Variants in CD72 observed in about 807,000 individuals in gnomAD.
The protein encoded by CD72 is CD72 molecule.
Under a neutral mutation model 50.7 loss-of-function variants are expected in CD72, and 28 were observed. The observed-to-expected ratio is 0.55, with a 90% CI of 0.41 to 0.76. The LOEUF is 0.76. Among genes scored for constraint, CD72 ranks in the 30% least tolerant of loss-of-function variants. The pLI is 0.00. For missense variants in CD72, 403 were observed against 420.6 expected (o/e 0.96, Z 0.37); for synonymous variants, 176 against 171.2 (o/e 1.03, Z -0.22).
At chr9:35,624,260 AAT>A (rs1563897833), upstream of CD72, among the ~76,000 whole-genome samples, 6 of 137,642 alleles carry the variant, frequency 4.4e-5, no homozygotes, top group East Asian at 2.0e-4. Context: ...TAATAATAAT[AAT>A]AAATTTAATT....
chr9:35,611,915 G>C lies in CD72; in HGVS notation c.839C>G (p.Ser280Cys). 6.7e-7 allele frequency: 1 copy of C among 1,499,642 alleles called. No homozygotes were observed. Among genetic ancestry groups the C allele is most frequent in the Non-Finnish European group, 9.3e-7 (1 of 1,075,536 alleles). The allele number at this position is 1,499,642 out of a possible 1,614,324, so 92.9% of individuals were successfully genotyped here. A position where few individuals can be genotyped will look rare whatever the true frequency, so the allele number is the denominator to read the frequency against. Reference sequence around the variant, plus strand: ...CAACAGTGAATTTAAGAAGTAGTAAGAGTGCTGAGGGGAGATTCAGAGAGA... The same window carrying C: ...CAACAGTGAATTTAAGAAGTAGTAACAGTGCTGAGGGGAGATTCAGAGAGA... ...TFSEIYPQSH[S>C]YYFLNSLLPN... The change falls in exon 7 of 9, where the codon TCT becomes TGT. Residue 280 changes from serine (S) to cysteine (C), a missense_variant. By Grantham distance (112) the Ser-to-Cys change is moderately radical (BLOSUM62 -1). Coordinates refer to ENST00000259633, the MANE Select transcript of CD72 (RefSeq NM_001782.3).
At chr9:35,621,329 C>CATG (rs1823145233), upstream of CD72, among the ~76,000 whole-genome samples, 1 of 152,178 alleles carries the variant, frequency 6.6e-6, no homozygotes, top group African/African-American at 2.4e-5. Context: ...GGGGCCCAAC[C>CATG]ATGAGGGCAT....
In CD72 at chr9:35,611,854, GC is replaced by G. The variant is rs772362596; in HGVS notation, c.899del (p.Gly300AlafsTer10). On this transcript the variant is annotated frameshift_variant, in exon 7 of 9. Transcript: ENST00000259633. LOFTEE classifies it high-confidence loss of function. ...NGGSGNSYWTGLSSNKDWKLT... is the reference protein window; with the variant it reads ...NGGSGNSYWTXLSSNKDWKLT... Reference sequence around the variant, plus strand: ...ACTTCCAATCCTTGTTAGAGCTGAGGCCAGTCCAATATGAATTCCCTGAACC... The same window carrying G: ...ACTTCCAATCCTTGTTAGAGCTGAGGCAGTCCAATATGAATTCCCTGAACC... The G allele has an allele frequency of 1.2e-6, 2 of 1,613,112 alleles. No individual in the cohort carries two copies. The highest frequency in any genetic ancestry group is 1.7e-6 in the Non-Finnish European group (2 of 1,179,208).
intron 1 of CD72, among the ~76,000 whole-genome samples, chr9:35,635,209 CT>C (rs1823279205): frequency 6.6e-6 from 1 of 152,030 alleles, no homozygotes; most frequent in African/African-American, 2.4e-5. Context: ...GAGTGTGTGT[CT>C]TTTCGTTTCA....
At chr9:35,643,346 GC>G in intron 1 of CD72, 1 of 152,470 alleles carries the variant, frequency 6.6e-6, no homozygotes, top group Non-Finnish European at 1.5e-5. Flanking sequence ...CGCCTTGGAA[GC>G]CCCCTGGACC....
intron 2 of CD72, 56 bp from the exon 3 acceptor site, chr9:35,617,303 C>T (rs1260220927): frequency 1.3e-6 from 2 of 1,494,488 alleles, no homozygotes; most frequent in Non-Finnish European, 1.8e-6. Context: ...GCCCCTTCTC[C>T]TCCTGCGCAC....
Position 35,617,994 on chromosome 9 carries a change from A to AT in CD72, c.190+19dup. On this transcript the variant is annotated intron_variant, in intron 2 of 8. Coordinates refer to ENST00000259633, the MANE Select transcript of CD72 (RefSeq NM_001782.3). ...AGACACAGCCCCCCAACAAACACAC[A>AT]TCCCCCAGGCTCTCCAGACCTGCTT... 1 of 1,438,880 alleles carries AT rather than the reference A, an allele frequency of 6.9e-7. No individual in the cohort carries two copies. The highest frequency in any genetic ancestry group is 9.8e-7 in the Non-Finnish European group (1 of 1,020,372). 89.1% of individuals were successfully genotyped at this position (1,438,880 alleles called of 1,614,324 possible).
chr9:35,631,287 C>A (rs577275019), intron 1 of CD72, among the ~76,000 whole-genome samples: 2 of 152,080 alleles, frequency 1.3e-5, no homozygotes, highest in Non-Finnish European at 2.9e-5. Context: ...ATTATAATTT[C>A]TTTTCAGATG....
chr9:35,630,112 C>T (rs1823232325), intron 1 of CD72, among the ~76,000 whole-genome samples: 1 of 149,404 alleles, frequency 6.7e-6, no homozygotes. Context: ...CGTCTCAGCT[C>T]ACTGCAACCT....
intron 1 of CD72, among the ~76,000 whole-genome samples, chr9:35,637,437 G>A (rs571003774): frequency 5.7e-4 from 87 of 152,188 alleles, no homozygotes; most frequent in African/African-American, 2.0e-3. Context: ...TACAACCTCG[G>A]GTCCTCAGAC....
upstream of CD72, chr9:35,618,792 T>G (rs1050251761): frequency 7.8e-7 from 1 of 1,286,764 alleles, no homozygotes; most frequent in Admixed American, 2.3e-5. Context: ...CCCATGAGAC[T>G]GGGGGTTCCT....
At chr9:35,610,795 AT>A (rs779211741) in intron 7 of CD72, 42 bp from the exon 8 acceptor site, 1 of 1,543,836 alleles carries the variant, frequency 6.5e-7, no homozygotes, top group South Asian at 1.1e-5. Flanking sequence ...CTCTGGACAT[AT>A]CCCACCCTCC....
chr9:35,622,930 G>C (rs1823158901), upstream of CD72, among the ~76,000 whole-genome samples: 3 of 152,028 alleles, frequency 2.0e-5, no homozygotes, highest in Admixed American at 2.0e-4. Flanking sequence ...AACACAGCGA[G>C]ACTCCATCTC....
intron 5 of CD72, among the ~76,000 whole-genome samples, chr9:35,614,259 A>C (rs2131760202): frequency 6.6e-6 from 1 of 152,358 alleles, no homozygotes; most frequent in Admixed American, 6.5e-5. Context: ...CTGTTTATGT[A>C]ATCAATTAAC....
At chr9:35,638,695 A>G (rs10972535) in intron 1 of CD72, among the ~76,000 whole-genome samples, 24,212 of 150,386 alleles carry the variant, frequency 0.16, 2,989 homozygotes, top group East Asian at 0.7. Context: ...CCAGATGAAC[A>G]GGAAAGAGTT....
chr9:35,628,002 ATTT>A (rs1186909295), intron 1 of CD72, among the ~76,000 whole-genome samples: 4 of 151,904 alleles, frequency 2.6e-5, no homozygotes, highest in Non-Finnish European at 5.9e-5. Flanking sequence ...CACCAGACTA[ATTT>A]TGTTGTTGTT....
intron 3 of CD72, 51 bp downstream of exon 3, chr9:35,617,125 G>C: frequency 1.3e-6 from 2 of 1,548,826 alleles, no homozygotes; most frequent in Non-Finnish European, 1.7e-6. Flanking sequence ...TCCGCAGCCG[G>C]GACAGGCGCG....
chr9:35,626,861 T>C (rs1016442379), intron 1 of CD72, among the ~76,000 whole-genome samples: 2 of 152,222 alleles, frequency 1.3e-5, no homozygotes, highest in African/African-American at 4.8e-5. Context: ...ACATTACTTT[T>C]TTTTTTTTGA....
upstream of CD72, among the ~76,000 whole-genome samples, chr9:35,624,535 G>A (rs1171471133): frequency 2.0e-5 from 3 of 152,100 alleles, no homozygotes; most frequent in African/African-American, 4.8e-5. Flanking sequence ...AGTGGGGAGC[G>A]ATTACCCTGG....
Sources: allele counts gnomAD v4.1 joint callset (sites outside exome capture counted in the v4.1 genomes callset), GRCh38; gene constraint gnomAD v4.1.1; transcripts MANE v1.5; gene names NCBI Gene and HGNC (gene_info 2026-07-23, HGNC 2026-07-21).